The following NAA60 variants were observed in gnomAD, a reference collection of about 807,000 sequenced individuals.
NAA60 encodes N-alpha-acetyltransferase 60.
A neutral mutation model predicts 26.1 loss-of-function variants in NAA60; 8 were observed. That is an observed-to-expected ratio of 0.31 (90% CI 0.18 to 0.55). The LOEUF is 0.55. Among genes scored for constraint, NAA60 ranks in the 20% least tolerant of loss-of-function variants. The probability of loss-of-function intolerance (pLI) is 0.93; values close to 1 mark genes in which losing one functional copy is unlikely to be tolerated. For missense variants in NAA60, 290 were observed against 311.3 expected, an observed-to-expected ratio of 0.93 and a Z score of 0.51; for synonymous variants, 131 against 122.5, an observed-to-expected ratio of 1.07 and a Z score of -0.46.
intron 2 of NAA60, among the ~76,000 whole-genome samples, chr16:3,456,242 C>T (rs2034987674): frequency 6.6e-6 from 1 of 152,162 alleles, no homozygotes; most frequent in South Asian, 2.1e-4. Flanking sequence ...ATTAAGTGCC[C>T]ATTCTGACTC....
intron 2 of NAA60, among the ~76,000 whole-genome samples, chr16:3,473,214 A>T (rs2036262172): frequency 6.6e-6 from 1 of 151,964 alleles, no homozygotes; most frequent in Non-Finnish European, 1.5e-5. Flanking sequence ...TTGTATTTTT[A>T]GTAGAGATGG....
intron 3 of NAA60, among the ~76,000 whole-genome samples, chr16:3,476,805 G>A (rs1166664840): frequency 6.6e-6 from 1 of 152,130 alleles, no homozygotes; most frequent in Non-Finnish European, 1.5e-5. Flanking sequence ...AGTTTGGGAG[G>A]CCAAGGAGGG....
intron 2 of NAA60, among the ~76,000 whole-genome samples, chr16:3,454,797 G>A (rs186295110): frequency 1.1e-4 from 16 of 152,320 alleles, no homozygotes; most frequent in African/African-American, 3.8e-4. Flanking sequence ...AGCCAAGGGA[G>A]AATGGGATGA....
At chr16:3,474,503 TC>T (rs1400252964) in intron 2 of NAA60, among the ~76,000 whole-genome samples, 1 of 152,148 alleles carries the variant, frequency 6.6e-6, no homozygotes, top group African/African-American at 2.4e-5. Context: ...GCGTCTAAAT[TC>T]CTCCCCTTGT....
rs150181093 is a variant in NAA60, at chr16:3,464,469, C to A, written c.-6-11753C>A. Among the ~76,000 whole-genome samples, 548 of 152,230 alleles carry A rather than the reference C, an allele frequency of 3.6e-3. 1 individual carries two copies. Among genetic ancestry groups the A allele is most frequent in the Middle Eastern group, 0.027 (8 of 294 alleles). ...AGTGGGGACAGGAAGTGCTCTGAAA[C>A]CCGACCCTCTCTTGCTGGGCTTTCT... is the stretch of plus-strand genomic sequence containing the variant. On this transcript the variant is annotated intron_variant, in intron 2 of 7. Transcript: ENST00000407558.
rs150424082 is a variant in NAA60 at position 3,476,881 on chromosome 16, A to G, written c.110+544A>G. Among the ~76,000 whole-genome samples the G allele has an allele frequency of 3.2e-3, 482 of 152,248 alleles. 3 individuals are homozygous for G. Among genetic ancestry groups the G allele is most frequent in the African/African-American group, 0.011 (441 of 41,530 alleles). Reference sequence around the variant, plus strand: ...ACATGGAGAAACCCCGTCTCTACTAAAAATACAAAATTAGCCAGGTGTGGT... The same window carrying G: ...ACATGGAGAAACCCCGTCTCTACTAGAAATACAAAATTAGCCAGGTGTGGT... On this transcript the variant is annotated intron_variant, in intron 3 of 7. Transcript: ENST00000407558.
intron 2 of NAA60, among the ~76,000 whole-genome samples, chr16:3,449,294 G>C (rs545947775): frequency 6.6e-6 from 1 of 152,074 alleles, no homozygotes; most frequent in South Asian, 2.1e-4. Context: ...CAAGGCAGGT[G>C]GATCATGAGG....
At chr16:3,448,777 A>G (rs1052194449) in intron 2 of NAA60, 3 of 406,962 alleles carry the variant, frequency 7.4e-6, no homozygotes, top group African/African-American at 4.2e-5. Flanking sequence ...AGCCTCTTTA[A>G]ACTATAAAGA....
intron 1 of NAA60, 140 bp from the exon 2 acceptor site, chr16:3,448,331 G>C: frequency 1.8e-6 from 1 of 548,378 alleles, no homozygotes; most frequent in East Asian, 3.3e-5. Context: ...TACATGTTTA[G>C]ATAGTTAATT....
chr16:3,454,155 T>C (rs1315675063), intron 2 of NAA60, among the ~76,000 whole-genome samples: 2 of 152,114 alleles, frequency 1.3e-5, no homozygotes, highest in Admixed American at 1.3e-4. Context: ...GGTAGCTTGT[T>C]GCTCTACCTG....
At position 3,483,481 on chromosome 16, in the gene NAA60, C is replaced by G. The variant is rs752403950; in HGVS notation, c.456C>G (p.Asn152Lys). 1.9e-6 allele frequency: 3 copies of G among 1,614,016 alleles called. No individual in the cohort carries two copies. The highest frequency in any genetic ancestry group is 2.2e-5 in the South Asian group (2 of 91,086). The part of the protein sequence containing the change: ...TNNTAINFYE[N>K]RDFKQHHYLP... ...ACACAGCAATAAACTTCTATGAAAA[C>G]AGAGACTTCAAGCAGCACCACTATC... The change falls in exon 6 of 8, where the codon AAC becomes AAG. Residue 152 changes from asparagine (N) to lysine (K), a missense_variant. By Grantham distance (94) the Asn-to-Lys change is moderately conservative (BLOSUM62 0). Coordinates refer to ENST00000407558, the MANE Select transcript of NAA60 (RefSeq NM_001083601.3).
intron 2 of NAA60, among the ~76,000 whole-genome samples, chr16:3,464,271 C>T (rs568551601): frequency 6.6e-6 from 1 of 152,298 alleles, no homozygotes; most frequent in South Asian, 2.1e-4. Flanking sequence ...CCTCGGCCTC[C>T]CAAAGTGCTG....
intron 2 of NAA60, among the ~76,000 whole-genome samples, chr16:3,465,498 C>T (rs1567377744): frequency 6.6e-6 from 1 of 152,134 alleles, no homozygotes. Flanking sequence ...CCGGCTGCCC[C>T]CACCACAATC....
intron 2 of NAA60, among the ~76,000 whole-genome samples, chr16:3,453,765 G>A (rs985307202): frequency 1.3e-5 from 2 of 152,234 alleles, no homozygotes; most frequent in Non-Finnish European, 1.5e-5. Flanking sequence ...TAATCAGAAC[G>A]TATGCAGATT....
chr16:3,472,576 G>T (rs781777950), intron 2 of NAA60, among the ~76,000 whole-genome samples: 7 of 152,118 alleles, frequency 4.6e-5, no homozygotes, highest in Non-Finnish European at 8.8e-5. Flanking sequence ...GGGATTACAG[G>T]TGCCTGCCAC....
At chr16:3,450,039 AG>A (rs57425109) in intron 2 of NAA60, 191,660 of 396,478 alleles carry the variant, frequency 0.48, 46,944 homozygotes, top group Non-Finnish European at 0.52. Context: ...TCAAAAAAAG[AG>A]AAAAGAAGAA....
At chr16:3,455,617 G>C (rs758340199) in intron 2 of NAA60, among the ~76,000 whole-genome samples, 2 of 151,028 alleles carry the variant, frequency 1.3e-5, no homozygotes, top group Non-Finnish European at 3.0e-5. Flanking sequence ...GGATGCTCTT[G>C]ATCTCCTGAC....
At chr16:3,457,761 A>G (rs2035071706) in intron 2 of NAA60, among the ~76,000 whole-genome samples, 1 of 152,034 alleles carries the variant, frequency 6.6e-6, no homozygotes, top group Non-Finnish European at 1.5e-5. Flanking sequence ...AAACCGCGCC[A>G]CCGGCGTCCG....
At chr16:3,444,813 TCATGTACC>T (rs2034484094) in intron 1 of NAA60, among the ~76,000 whole-genome samples, 1 of 152,200 alleles carries the variant, frequency 6.6e-6, no homozygotes, top group Non-Finnish European at 1.5e-5. Flanking sequence ...ATGTATTGTG[TCATGTACC>T]CATCCTAAAC....
Sources: allele counts gnomAD v4.1 joint callset (sites outside exome capture counted in the v4.1 genomes callset), GRCh38; gene constraint gnomAD v4.1.1; transcripts MANE v1.5; gene names NCBI Gene and HGNC (gene_info 2026-07-23, HGNC 2026-07-21).